Variants in ZHX2 observed in about 807,000 individuals in gnomAD.
The protein encoded by ZHX2 is zinc fingers and homeoboxes 2.
ZHX2 carries 6 observed loss-of-function variants against 21.9 expected under a neutral mutation model. That is an observed-to-expected ratio of 0.27 (90% CI 0.15 to 0.54). The LOEUF (loss-of-function observed/expected upper bound fraction) is 0.54. Among genes scored for constraint, ZHX2 ranks in the 20% least tolerant of loss-of-function variants. ZHX2 has a pLI of 0.95. For synonymous variants in ZHX2, 434 were observed against 437.1 expected (o/e 0.99, Z 0.09); for missense variants, 908 against 1,090.7 (o/e 0.83, Z 2.36).
At chr8:122,861,006 C>T (rs1055644915) in intron 1 of ZHX2, among the ~76,000 whole-genome samples, 1 of 140,562 alleles carries the variant, frequency 7.1e-6, no homozygotes, top group Non-Finnish European at 1.5e-5. Context: ...GCATGCACTC[C>T]AGCCTGGAGA....
chr8:122,781,535 T>C (rs1340296305), upstream of ZHX2: 1 of 152,400 alleles, frequency 6.6e-6, no homozygotes, highest in Non-Finnish European at 1.5e-5. This position sits in a 1 kb window ranked among gnomAD's most constrained non-coding sequence, Gnocchi z 4.6. Context: ...AAAAATGACA[T>C]TTCGCCGGTG....
At chr8:122,794,669 G>T (rs1395730072) in intron 1 of ZHX2, among the ~76,000 whole-genome samples, 2 of 152,166 alleles carry the variant, frequency 1.3e-5, no homozygotes, top group Admixed American at 1.3e-4. Context: ...CTGACATGGT[G>T]GCTCTTTGAG....
At chr8:122,864,082 G>A (rs999739645) in intron 2 of ZHX2, among the ~76,000 whole-genome samples, 2 of 151,660 alleles carry the variant, frequency 1.3e-5, no homozygotes, top group African/African-American at 2.4e-5. Flanking sequence ...TTGGGAAGTA[G>A]AGTGAGTTCC....
chr8:122,948,118 C>A (rs1813023443), intron 2 of ZHX2, among the ~76,000 whole-genome samples: 5 of 152,160 alleles, frequency 3.3e-5, no homozygotes, highest in Admixed American at 3.3e-4. Flanking sequence ...CTTTCCCCAG[C>A]CCTGGCCAAG....
chr8:122,792,877 G>A (rs1817545711), intron 1 of ZHX2, among the ~76,000 whole-genome samples: 1 of 152,144 alleles, frequency 6.6e-6, no homozygotes, highest in Non-Finnish European at 1.5e-5. Flanking sequence ...TTGCTTCCTG[G>A]GTACCTGATT....
chr8:122,867,702 C>T (rs1330195130), intron 2 of ZHX2, among the ~76,000 whole-genome samples: 1 of 152,170 alleles, frequency 6.6e-6, no homozygotes, highest in East Asian at 1.9e-4. Flanking sequence ...TAATACATCT[C>T]ACAGGGTTAT....
chr8:122,901,655 T>C (rs1251134027), intron 2 of ZHX2, among the ~76,000 whole-genome samples: 2 of 152,170 alleles, frequency 1.3e-5, no homozygotes, highest in African/African-American at 4.8e-5. Flanking sequence ...GCTTGGCCAA[T>C]CCAGATCTCT....
rs553602058 is a variant in ZHX2 at position 122,845,781 on chromosome 8, T to G, written c.-282-17696T>G. Among the ~76,000 whole-genome samples, 4 of 152,298 alleles carry G rather than the reference T, an allele frequency of 2.6e-5. No individual in the cohort carries two copies. In the South Asian group the frequency reaches 8.3e-4, roughly 32 times the overall value. On this transcript the variant is annotated intron_variant, in intron 1 of 3. Transcript: ENST00000314393. ...CATTTCACAGGTAAGGAAACCGAGT[T>G]TCAGCCAAGTGGCAGGACCAGCATC...
chr8:122,868,115 T>G (rs891221398), intron 2 of ZHX2, among the ~76,000 whole-genome samples: 1 of 152,052 alleles, frequency 6.6e-6, no homozygotes, highest in African/African-American at 2.4e-5. Flanking sequence ...ACAGACTGAG[T>G]CATACGGTGA....
intron 2 of ZHX2, among the ~76,000 whole-genome samples, chr8:122,936,543 C>G (rs1195054714): frequency 1.3e-5 from 2 of 152,198 alleles, no homozygotes; most frequent in Admixed American, 1.3e-4. Flanking sequence ...AGGCTGAGAA[C>G]TGCTGTTTTA....
chr8:122,966,960 A>C (rs573834115), intron 3 of ZHX2, among the ~76,000 whole-genome samples: 1 of 152,010 alleles, frequency 6.6e-6, no homozygotes, highest in East Asian at 1.9e-4. Context: ...TTTCCAGTGT[A>C]TTTTGCATTT....
chr8:122,875,171 A>C (rs1356995642), intron 2 of ZHX2, among the ~76,000 whole-genome samples: 8 of 23,706 alleles, frequency 3.4e-4, no homozygotes, highest in Non-Finnish European at 4.1e-4. Flanking sequence ...ATATATATAT[A>C]TATATATATA....
chr8:122,953,756 TA>T lies in ZHX2; in HGVS notation c.2250del (p.Val751Ter). On this transcript the variant is annotated frameshift_variant, in exon 3 of 4. Transcript: ENST00000314393. LOFTEE classifies it low-confidence loss of function (END_TRUNC). The surrounding 1 kb of genome is among the most constrained non-coding windows in gnomAD (Gnocchi z 4.6). ...GACTTGGAGAAGTTGGTGACCAGGG[TA>T]AAAGTAGGCAGCGAGCCAGCAAAAG... ...EEDLEKLVTR[V>X]KVGSEPAKDC... The T allele has an allele frequency of 6.2e-7, 1 of 1,613,876 alleles. No individual in the cohort carries two copies. The highest frequency in any genetic ancestry group is 2.2e-5 in the East Asian group (1 of 44,876).
At chr8:122,879,641 T>G (rs1349345222) in intron 2 of ZHX2, among the ~76,000 whole-genome samples, 2 of 152,138 alleles carry the variant, frequency 1.3e-5, no homozygotes, top group African/African-American at 4.8e-5. Context: ...GGCCCAGTTA[T>G]GTGACTTTCT....
intron 3 of ZHX2, among the ~76,000 whole-genome samples, chr8:122,961,645 G>A (rs1486219922): frequency 6.6e-6 from 1 of 152,280 alleles, no homozygotes; most frequent in East Asian, 1.9e-4. Flanking sequence ...AGGAAGAAGT[G>A]CTGAGGAAAG....
At chr8:122,939,313 A>G (rs907461125) in intron 2 of ZHX2, among the ~76,000 whole-genome samples, 5 of 152,346 alleles carry the variant, frequency 3.3e-5, no homozygotes, top group African/African-American at 1.2e-4. Flanking sequence ...CCCACTCAGG[A>G]GCCTGACTGA....
chr8:122,812,421 A>C (rs1817950470), intron 1 of ZHX2, among the ~76,000 whole-genome samples: 1 of 152,142 alleles, frequency 6.6e-6, no homozygotes, highest in Non-Finnish European at 1.5e-5. Flanking sequence ...AGCCCCCTTT[A>C]TTTTACAGCT....
intron 2 of ZHX2, among the ~76,000 whole-genome samples, chr8:122,936,215 GT>G (rs1385445865): frequency 6.6e-6 from 1 of 152,220 alleles, no homozygotes; most frequent in Non-Finnish European, 1.5e-5. Flanking sequence ...TTCACTCCCA[GT>G]TTTTGCAGGG....
intron 1 of ZHX2, among the ~76,000 whole-genome samples, chr8:122,810,789 CTT>C (rs149436541): frequency 1.4e-4 from 21 of 146,670 alleles, no homozygotes; most frequent in African/African-American, 3.7e-4. Context: ...ACTAGCATGT[CTT>C]TTTTTTTTTT....
Sources: allele counts gnomAD v4.1 joint callset (sites outside exome capture counted in the v4.1 genomes callset), GRCh38; gene constraint gnomAD v4.1.1; non-coding constraint Gnocchi (gnomAD v3.1); transcripts MANE v1.5; gene names NCBI Gene and HGNC (gene_info 2026-07-23, HGNC 2026-07-21).